The following MYO18B variants were observed in gnomAD, a reference collection of about 807,000 sequenced individuals.
The protein encoded by MYO18B is myosin XVIIIB.
MYO18B carries 204 observed loss-of-function variants against 273.0 expected under a neutral mutation model. The observed-to-expected ratio is 0.75, with a 90% CI of 0.67 to 0.84. The LOEUF is 0.84. MYO18B is among the 40% of genes least tolerant of loss of function. The pLI, the probability that MYO18B is intolerant of heterozygous loss-of-function variation, is 0.00. For missense variants in MYO18B, 3,212 were observed against 3,287.6 expected (o/e 0.98, Z 0.56); for synonymous variants, 1,330 against 1,305.7 (o/e 1.02, Z -0.40).
At chr22:25,948,195 G>T (rs557819334) in intron 36 of MYO18B, among the ~76,000 whole-genome samples, 2 of 151,610 alleles carry the variant, frequency 1.3e-5, no homozygotes, top group Non-Finnish European at 2.9e-5. Context: ...CCATCCATCC[G>T]TCCATCCAAT....
chr22:25,995,683 C>T (rs1382786841), intron 40 of MYO18B, among the ~76,000 whole-genome samples: 1 of 152,032 alleles, frequency 6.6e-6, no homozygotes, highest in East Asian at 1.9e-4. Flanking sequence ...GGAGAAATCC[C>T]CTCTGGCTTT....
intron 33 of MYO18B, among the ~76,000 whole-genome samples, chr22:25,913,458 G>A (rs927054254): frequency 1.3e-5 from 2 of 152,186 alleles, no homozygotes; most frequent in African/African-American, 4.8e-5. Context: ...CCGCTTCCTG[G>A]GTTCATGCCA....
intron 25 of MYO18B, 89 bp from the exon 26 acceptor site, chr22:25,890,667 T>G (rs1426594900): frequency 5.3e-6 from 8 of 1,523,380 alleles, no homozygotes; most frequent in Non-Finnish European, 7.1e-6. Flanking sequence ...TGATAGTGAT[T>G]TGTCCAAAGG....
chr22:25,976,140 G>A (rs1381247707), intron 39 of MYO18B, among the ~76,000 whole-genome samples: 1 of 152,104 alleles, frequency 6.6e-6, no homozygotes, highest in African/African-American at 2.4e-5. Context: ...GTGGGTAGAG[G>A]CCAGAGATGA....
intron 42 of MYO18B, chr22:26,006,470 T>C: frequency 3.1e-6 from 1 of 317,680 alleles, no homozygotes; most frequent in Non-Finnish European, 6.4e-6. Context: ...TTCTGGCTGC[T>C]TCCAAATTCA....
Position 25,883,169 on chromosome 22 carries a change from C to G in MYO18B, c.4314+5121C>G, listed in dbSNP as rs1394624643. ...CTGCCTTGGCCTCCCAGAGTGCTGGCGTGAACCATTGCACCAGACCTGTAA... is the reference window on the plus strand; with the variant it reads ...CTGCCTTGGCCTCCCAGAGTGCTGGGGTGAACCATTGCACCAGACCTGTAA... On this transcript the variant is annotated intron_variant, in intron 25 of 43. Transcript: ENST00000335473. The surrounding 1 kb of genome is among the most constrained non-coding windows in gnomAD (Gnocchi z 7.6). Among the ~76,000 whole-genome samples the G allele has an allele frequency of 6.6e-6, 1 of 152,126 alleles. No individual in the cohort carries two copies. Among genetic ancestry groups the G allele is most frequent in the Non-Finnish European group, 1.5e-5 (1 of 68,018 alleles).
At chr22:25,829,216 C>G (rs1341357935) in intron 15 of MYO18B, among the ~76,000 whole-genome samples, 2 of 152,242 alleles carry the variant, frequency 1.3e-5, no homozygotes, top group Admixed American at 1.3e-4. Context: ...TTCCCCAGTC[C>G]TTGCTTCCAC....
chr22:26,026,681 C>A lies in MYO18B; in HGVS notation c.6707C>A (p.Ser2236Tyr). The A allele has an allele frequency of 6.8e-6, 11 of 1,613,900 alleles. No individual in the cohort carries two copies. The highest frequency in any genetic ancestry group is 9.3e-6 in the Non-Finnish European group (11 of 1,179,882). Residue 2236 changes from serine to tyrosine, a missense_variant, in exon 43 of 44, where the codon TCC (serine) becomes TAC (tyrosine). Physicochemically the swap from Ser to Tyr is moderately radical, Grantham distance 144. Coordinates refer to ENST00000335473, the MANE Select transcript of MYO18B (RefSeq NM_032608.7). ...SPLASRSTNT[S>Y]PLSREKLPSP... The stretch of plus-strand genomic sequence containing the variant: ...CTGGCTTCTCGGAGTACAAATACAT[C>A]CCCGCTGTCGAGGGAAAAGCTGCCC...
At chr22:26,043,601 C>T in the MYO18B span, among the ~76,000 whole-genome samples, 1 of 150,322 alleles carries the variant, frequency 6.7e-6, no homozygotes, top group South Asian at 2.1e-4. Flanking sequence ...ACCTCTGCCT[C>T]CCGGGTTCTT....
In MYO18B at chr22:25,768,609, G is replaced by T; in HGVS notation, c.693G>T (p.Leu231=). 1 of 1,525,542 alleles carries T rather than the reference G, an allele frequency of 6.6e-7. No homozygotes were observed. Among genetic ancestry groups the T allele is most frequent in the Non-Finnish European group, 8.8e-7 (1 of 1,141,150 alleles). The allele number at this position is 1,525,542 out of a possible 1,614,324, so 94.5% of individuals were successfully genotyped here. The change falls in exon 4 of 44, where the codon CTG becomes CTT. Residue 231 remains leucine, a synonymous_variant. Transcript: ENST00000335473. ...LGDPGQGTVA[L]KKGEEGQSIV... ...ACCCAGGCCAAGGAACTGTGGCACT[G>T]AAAAAAGGCGAGGAGGGTCAAAGCA...
At chr22:25,811,081 T>C (rs1348500648) in intron 12 of MYO18B, among the ~76,000 whole-genome samples, 1 of 151,308 alleles carries the variant, frequency 6.6e-6, no homozygotes, top group Non-Finnish European at 1.5e-5. Flanking sequence ...TGGTGTGATC[T>C]CGGCTCACTG....
chr22:26,037,280 G>A, the MYO18B span, among the ~76,000 whole-genome samples: 63 of 152,186 alleles, frequency 4.1e-4, no homozygotes, highest in South Asian at 0.012. Flanking sequence ...GTTTCTTCTC[G>A]AGTAATAAGG....
chr22:26,047,283 T>C, the MYO18B span, among the ~76,000 whole-genome samples: 1 of 152,080 alleles, frequency 6.6e-6, no homozygotes, highest in South Asian at 2.1e-4. Context: ...CCCGCCACCA[T>C]GCCCGGCTAA....
At chr22:25,862,745 T>G (rs1406498908) in intron 21 of MYO18B, among the ~76,000 whole-genome samples, 1 of 152,172 alleles carries the variant, frequency 6.6e-6, no homozygotes, top group African/African-American at 2.4e-5. Context: ...CTCTTTCTGC[T>G]TTCAAGATTT....
the MYO18B span, among the ~76,000 whole-genome samples, chr22:26,056,858 C>T: frequency 4.6e-5 from 7 of 152,260 alleles, no homozygotes; most frequent in South Asian, 6.2e-4. Context: ...CCAGTGGGCC[C>T]GAGCGCTCAC....
At chr22:25,895,567 T>C (rs1040522206) in intron 28 of MYO18B, 1 of 288,128 alleles carries the variant, frequency 3.5e-6, no homozygotes, top group Non-Finnish European at 6.5e-6. Flanking sequence ...ACGTGAACCT[T>C]GTGGAAGTCA....
chr22:26,022,385 T>TTGGGA (rs1338736069), intron 42 of MYO18B, among the ~76,000 whole-genome samples: 1 of 152,142 alleles, frequency 6.6e-6, no homozygotes, highest in Non-Finnish European at 1.5e-5. Context: ...TCAGCAGAAC[T>TTGGGA]TGGGATCCTT....
rs189211165 is a variant in MYO18B at position 25,861,782 on chromosome 22, A to T, written c.3886-6538A>T. On this transcript the variant is annotated intron_variant, in intron 21 of 43. Coordinates refer to ENST00000335473, the MANE Select transcript of MYO18B (RefSeq NM_032608.7). ...GGCCATTTGAACACCCCTTCTAGTG[A>T]TTGTTCTACGGTTTACAATATGTAT... Among the ~76,000 whole-genome samples, 10 of 152,240 alleles carry T rather than the reference A, an allele frequency of 6.6e-5. No homozygotes were observed. In the East Asian group the frequency reaches 1.9e-3, roughly 29 times the overall value.
chr22:25,854,563 G>A (rs566643445), intron 21 of MYO18B, among the ~76,000 whole-genome samples: 1 of 152,116 alleles, frequency 6.6e-6, no homozygotes, highest in Non-Finnish European at 1.5e-5. Context: ...TTGATCAGTG[G>A]TATTAAGTAC....
Sources: allele counts gnomAD v4.1 joint callset (sites outside exome capture counted in the v4.1 genomes callset), GRCh38; gene constraint gnomAD v4.1.1; non-coding constraint Gnocchi (gnomAD v3.1); transcripts MANE v1.5; gene names NCBI Gene and HGNC (gene_info 2026-07-23, HGNC 2026-07-21).